XPO6: variants seen among roughly 807,000 people sequenced by gnomAD.
XPO6 encodes exportin 6, also known as exportin-6.
A neutral mutation model predicts 130.0 loss-of-function variants in XPO6; 3 were observed. The observed-to-expected ratio is 0.02, with a 90% CI of 0.01 to 0.06. The LOEUF is 0.06. XPO6 is among the 10% of genes least tolerant of loss of function. XPO6 has a pLI of 1.00. For synonymous variants in XPO6, 524 were observed against 548.9 expected (o/e 0.95, Z 0.63); for missense variants, 970 against 1,393.0 (o/e 0.70, Z 4.83).
intron 12 of XPO6, among the ~76,000 whole-genome samples, chr16:28,126,956 G>A (rs2087432739): frequency 6.6e-6 from 1 of 152,018 alleles, no homozygotes; most frequent in Non-Finnish European, 1.5e-5. Context: ...GACTCACACT[G>A]GTCATCACCA....
At chr16:28,184,151 C>T (rs1273082992) in intron 1 of XPO6, among the ~76,000 whole-genome samples, 1 of 152,208 alleles carries the variant, frequency 6.6e-6, no homozygotes, top group Non-Finnish European at 1.5e-5. Context: ...GAACATAAAA[C>T]AAAATCCAAG....
chr16:28,192,262 C>CAAAAAA (rs11429447), intron 1 of XPO6, among the ~76,000 whole-genome samples: 2 of 82,444 alleles, frequency 2.4e-5, no homozygotes, highest in African/African-American at 4.3e-5. Flanking sequence ...GACTCCGTCT[C>CAAAAAA]AAAAAAAAAA....
At position 28,098,441 on chromosome 16, in the gene XPO6, A is replaced by G; in HGVS notation, c.*97T>C. ...TTGCTTGCGGTGGGAGAAGCCAAGG[A>G]GTGTGACCAAGGCCCATCTGGGAGA... On this transcript the variant is annotated 3_prime_UTR_variant, in exon 24 of 24. Coordinates refer to ENST00000304658, the MANE Select transcript of XPO6 (RefSeq NM_015171.4). 1 of 1,060,318 alleles carries G rather than the reference A, an allele frequency of 9.4e-7. No individual in the cohort carries two copies. The highest frequency in any genetic ancestry group is 1.4e-6 in the Non-Finnish European group (1 of 717,862). 65.7% of individuals were successfully genotyped at this position (1,060,318 alleles called of 1,614,324 possible).
At chr16:28,133,164 C>A (rs189283367) in intron 11 of XPO6, among the ~76,000 whole-genome samples, 4 of 152,254 alleles carry the variant, frequency 2.6e-5, no homozygotes, top group Non-Finnish European at 5.9e-5. Flanking sequence ...GGTGAAACCC[C>A]GTCTCCACTA....
intron 1 of XPO6, among the ~76,000 whole-genome samples, chr16:28,191,980 C>T (rs1163280971): frequency 6.6e-6 from 1 of 152,200 alleles, no homozygotes; most frequent in African/African-American, 2.4e-5. Context: ...AACATAATGG[C>T]TGGGCGCGGT....
At chr16:28,205,973 G>A (rs1027797973) in intron 1 of XPO6, among the ~76,000 whole-genome samples, 2 of 146,724 alleles carry the variant, frequency 1.4e-5, no homozygotes, top group Admixed American at 1.4e-4. Context: ...AGGAGGTAGA[G>A]ACTGCAGTGA....
At position 28,166,497 on chromosome 16, in the gene XPO6, G is replaced by A. The variant is rs904442164; in HGVS notation, c.643+11C>T. 1 of 1,577,546 alleles carries A rather than the reference G, an allele frequency of 6.3e-7. No individual in the cohort carries two copies. The highest frequency in any genetic ancestry group is 8.6e-7 in the Non-Finnish European group (1 of 1,159,888). On this transcript the variant is annotated intron_variant, in intron 6 of 23. Coordinates refer to ENST00000304658, the MANE Select transcript of XPO6 (RefSeq NM_015171.4). ...AAAAGAAGAATGCCTTGGCTGGCAGGCAGACCATACCACTTTCTCCTGAGG... is the reference window on the plus strand; with the variant it reads ...AAAAGAAGAATGCCTTGGCTGGCAGACAGACCATACCACTTTCTCCTGAGG...
intron 1 of XPO6, among the ~76,000 whole-genome samples, chr16:28,206,070 A>G (rs1327887049): frequency 6.8e-6 from 1 of 146,884 alleles, no homozygotes; most frequent in Non-Finnish European, 1.5e-5. Context: ...TCTACCTCCT[A>G]GAGTTGTTTG....
intron 17 of XPO6, among the ~76,000 whole-genome samples, chr16:28,110,351 G>A (rs191896181): frequency 6.6e-6 from 1 of 152,336 alleles, no homozygotes; most frequent in East Asian, 1.9e-4. Context: ...TGGAAGTAGT[G>A]TTAGTTTCAG....
chr16:28,151,128 G>A (rs1211905795), intron 8 of XPO6, among the ~76,000 whole-genome samples: 2 of 134,882 alleles, frequency 1.5e-5, no homozygotes, highest in Admixed American at 8.7e-5. Context: ...AACCCTCCTA[G>A]CCTAGACCCT....
chr16:28,155,806 G>T (rs1234547058), intron 7 of XPO6: 6 of 681,424 alleles, frequency 8.8e-6, no homozygotes, highest in Non-Finnish European at 1.2e-5. Context: ...GGGGCAAGAG[G>T]AGTAGAAGGG....
intron 8 of XPO6, among the ~76,000 whole-genome samples, chr16:28,148,567 A>G (rs756319879): frequency 1.3e-5 from 2 of 152,212 alleles, no homozygotes; most frequent in Non-Finnish European, 2.9e-5. Flanking sequence ...CTATCTTCCA[A>G]GTGGTTTACA....
At chr16:28,194,509 A>G (rs1176680479) in intron 1 of XPO6, among the ~76,000 whole-genome samples, 2 of 152,134 alleles carry the variant, frequency 1.3e-5, no homozygotes, top group African/African-American at 4.8e-5. Context: ...AAAGCAGACT[A>G]AATGAGAAAC....
At chr16:28,135,604 T>C (rs754630190) in intron 9 of XPO6, among the ~76,000 whole-genome samples, 23 of 152,212 alleles carry the variant, frequency 1.5e-4, no homozygotes, top group Non-Finnish European at 2.9e-4. Context: ...TCTTAAAATA[T>C]ATTTTGTCTC....
intron 8 of XPO6, among the ~76,000 whole-genome samples, chr16:28,152,401 G>T (rs765767851): frequency 1.3e-5 from 2 of 152,280 alleles, no homozygotes; most frequent in Middle Eastern, 6.8e-3. Flanking sequence ...TCAGATCCCA[G>T]CTCCACCACT....
intron 15 of XPO6, among the ~76,000 whole-genome samples, chr16:28,116,209 C>A (rs2087050010): frequency 6.6e-6 from 1 of 151,978 alleles, no homozygotes; most frequent in Admixed American, 6.6e-5. Flanking sequence ...CGCCCGTAAT[C>A]CCAGCACTTT....
At chr16:28,118,042 TAAAC>T (rs1252124319) in intron 14 of XPO6, among the ~76,000 whole-genome samples, 3 of 152,216 alleles carry the variant, frequency 2.0e-5, no homozygotes, top group Admixed American at 6.5e-5. Flanking sequence ...TCAAATATAA[TAAAC>T]AATCAATCTT....
rs1247570080 is a variant in XPO6, at chr16:28,180,714, A to G, written c.94+227T>C. On this transcript the variant is annotated intron_variant, in intron 2 of 23. Coordinates refer to ENST00000304658, the MANE Select transcript of XPO6 (RefSeq NM_015171.4). ...AAAAAGTCGCAGGCTTCTTATATGA[A>G]AGTTCAACAACATTGCTGAAATTAA... Among the ~76,000 whole-genome samples, 4 of 152,106 alleles carry G rather than the reference A, an allele frequency of 2.6e-5. No individual in the cohort carries two copies. In the East Asian group the frequency reaches 7.7e-4, roughly 29 times the overall value.
At chr16:28,199,989 C>T (rs112803470) in intron 1 of XPO6, among the ~76,000 whole-genome samples, 1 of 152,166 alleles carries the variant, frequency 6.6e-6, no homozygotes, top group Non-Finnish European at 1.5e-5. Context: ...AAACCTGTCT[C>T]TACTGAAAAT....
Sources: allele counts gnomAD v4.1 joint callset (sites outside exome capture counted in the v4.1 genomes callset), GRCh38; gene constraint gnomAD v4.1.1; transcripts MANE v1.5; gene names NCBI Gene and HGNC (gene_info 2026-07-23, HGNC 2026-07-21).